Variants in KIF1B observed in about 807,000 individuals in gnomAD.
KIF1B encodes kinesin-like protein KIF1B.
KIF1B carries 76 observed loss-of-function variants against 241.9 expected under a neutral mutation model. The observed-to-expected ratio is 0.31, with a 90% CI of 0.26 to 0.38. The LOEUF (loss-of-function observed/expected upper bound fraction) is 0.38. Ranked by LOEUF, KIF1B falls within the 10% of genes least tolerant of loss-of-function variation. KIF1B has a pLI of 1.00. For missense variants in KIF1B, 1,622 were observed against 2,271.4 expected (o/e 0.71, Z 5.81); for synonymous variants, 750 against 796.7 (o/e 0.94, Z 0.99).
intron 36 of KIF1B, 74 bp downstream of exon 36, chr1:10,347,901 C>T: frequency 1.6e-6 from 2 of 1,279,906 alleles, no homozygotes; most frequent in South Asian, 2.4e-5. Flanking sequence ...GGAATTCTTT[C>T]TTATTCTCTG....
At chr1:10,235,352 AAG>A (rs1162943370) in intron 2 of KIF1B, among the ~76,000 whole-genome samples, 1 of 144,560 alleles carries the variant, frequency 6.9e-6, no homozygotes, top group African/African-American at 2.9e-5. Context: ...TCCTGGGCTC[AAG>A]TGATCCTCCC....
chr1:10,276,725 A>G (rs990482247), intron 12 of KIF1B, among the ~76,000 whole-genome samples: 2 of 152,124 alleles, frequency 1.3e-5, no homozygotes, highest in African/African-American at 4.8e-5. Context: ...TAATAGTGAC[A>G]TTTTCTTATT....
Position 10,365,251 on chromosome 1 carries a change from C to T in KIF1B, c.4512+6C>T, listed in dbSNP as rs780496012. ...AGCTGGAGCTCCTACATGAGGTATC[C>T]AGGGGCAGGGTTGTTCAGATGCAAG... On this transcript the variant is annotated splice_donor_region_variant and intron_variant, in intron 42 of 48. Coordinates refer to ENST00000676179, the MANE Select transcript of KIF1B (RefSeq NM_001365951.3). The surrounding 1 kb of genome is among the most constrained non-coding windows in gnomAD (Gnocchi z 4.0). 2 of 1,613,898 alleles carry T rather than the reference C, an allele frequency of 1.2e-6. No individual in the cohort carries two copies. Among genetic ancestry groups the T allele is most frequent in the African/African-American group, 1.3e-5 (1 of 74,994 alleles).
chr1:10,371,393 C>G lies in KIF1B; in HGVS notation c.4946+131C>G, dbSNP rs924017855. ...GGCAGCATTTGGAAATGTGTGGGAGCCTTTTTGGCTATCACAGTGACTGGA... is the reference window on the plus strand; with the variant it reads ...GGCAGCATTTGGAAATGTGTGGGAGGCTTTTTGGCTATCACAGTGACTGGA... On this transcript the variant is annotated intron_variant, in intron 45 of 48. Transcript: ENST00000676179. The G allele has an allele frequency of 1.5e-5, 16 of 1,081,992 alleles. No individual in the cohort carries two copies. The African/African-American group carries it at 2.0e-4, about 14-fold the overall frequency. The allele number at this position is 1,081,992 out of a possible 1,614,324, so 67.0% of individuals were successfully genotyped here.
At chr1:10,278,913 G>C in intron 13 of KIF1B, 184 bp from the exon 14 acceptor site, 1 of 501,290 alleles carries the variant, frequency 2.0e-6, no homozygotes, top group African/African-American at 1.9e-5. Flanking sequence ...GCCTCTTCTA[G>C]TTTAATTCTT....
Position 10,348,658 on chromosome 1 carries a change from C to T in KIF1B, c.3874C>T (p.Arg1292Ter). The T allele has an allele frequency of 1.9e-6, 3 of 1,613,858 alleles. No homozygotes were observed. The highest frequency in any genetic ancestry group is 2.5e-6 in the Non-Finnish European group (3 of 1,179,780). ...GTFLLHQGIQ[R>*]RITVTIIHEK... Reference sequence around the variant, plus strand: ...CTGCTTCATTACCTAGGGCATCCAGCGAAGGATCACAGTGACCATTATCCA... The same window carrying T: ...CTGCTTCATTACCTAGGGCATCCAGTGAAGGATCACAGTGACCATTATCCA... Residue 1292 changes from arginine (R) to a stop codon, truncating the protein, a stop_gained, in exon 37 of 49, where the codon CGA becomes TGA. Coordinates refer to ENST00000676179, the MANE Select transcript of KIF1B (RefSeq NM_001365951.3). LOFTEE classifies it high-confidence loss of function.
At chr1:10,310,197 T>A (rs1651007827) in intron 22 of KIF1B, among the ~76,000 whole-genome samples, 2 of 151,836 alleles carry the variant, frequency 1.3e-5, no homozygotes, top group Non-Finnish European at 2.9e-5. Context: ...GTTCTCAAAC[T>A]TTAATGTCAG....
chr1:10,294,944 G>C, intron 17 of KIF1B, 142 bp from the exon 18 acceptor site: 1 of 700,954 alleles, frequency 1.4e-6, no homozygotes, highest in South Asian at 1.5e-5. Flanking sequence ...CTTTATTATG[G>C]AACCGCAACT....
intron 23 of KIF1B, 137 bp downstream of exon 23, chr1:10,320,273 A>G (rs1651468469): frequency 1.5e-6 from 1 of 647,538 alleles, no homozygotes; most frequent in East Asian, 3.0e-5. Context: ...GAGCCAGTTT[A>G]CAGATGATTG....
chr1:10,295,863 TC>T, intron 19 of KIF1B, 97 bp downstream of exon 19: 3 of 1,021,084 alleles, frequency 2.9e-6, no homozygotes, highest in Non-Finnish European at 4.5e-6. Context: ...AGTAGTACTT[TC>T]TTATACAATC....
At chr1:10,375,218 GTAGTAACTTTCT>G in intron 47 of KIF1B, 25 bp from the exon 48 acceptor site, 1 of 1,567,548 alleles carries the variant, frequency 6.4e-7, no homozygotes, top group Non-Finnish European at 8.8e-7. Context: ...TGCTGTCTCT[GTAGTAACTTTCT>G]TGTCTACCTG....
chr1:10,363,509 T>C lies in KIF1B; in HGVS notation c.4366+165T>C, dbSNP rs139539731. Among the ~76,000 whole-genome samples the C allele has an allele frequency of 2.0e-5, 3 of 152,236 alleles. No homozygotes were observed. In the East Asian group the frequency reaches 5.8e-4, roughly 29 times the overall value. On this transcript the variant is annotated intron_variant, in intron 41 of 48. Coordinates refer to ENST00000676179, the MANE Select transcript of KIF1B (RefSeq NM_001365951.3). The stretch of plus-strand genomic sequence containing the variant: ...GAGTTCAAGAGCAGCCTGACCAACA[T>C]GGTGAAGCCCCCCTTTCTACCAAAA...
At chr1:10,234,936 AG>A (rs1478489859) in intron 2 of KIF1B, among the ~76,000 whole-genome samples, 1 of 151,630 alleles carries the variant, frequency 6.6e-6, no homozygotes, top group Non-Finnish European at 1.5e-5. Context: ...CCCAGGCTGA[AG>A]TGCAGTGGCT....
intron 15 of KIF1B, among the ~76,000 whole-genome samples, chr1:10,283,314 C>A (rs1649524768): frequency 6.6e-6 from 1 of 151,886 alleles, no homozygotes; most frequent in Non-Finnish European, 1.5e-5. Context: ...TCACAGAAAG[C>A]CTTGATGCCC....
chr1:10,282,543 A>T lies in KIF1B; in HGVS notation c.1434+10A>T. 1 of 1,603,338 alleles carries T rather than the reference A, an allele frequency of 6.2e-7. No individual in the cohort carries two copies. The highest frequency in any genetic ancestry group is 8.5e-7 in the Non-Finnish European group (1 of 1,170,230). ...TATTGAACGTTTAAAGGTAAGTAATAGTTCAGACTGAATACAAGGTATTCT... is the reference window on the plus strand; with the variant it reads ...TATTGAACGTTTAAAGGTAAGTAATTGTTCAGACTGAATACAAGGTATTCT... On this transcript the variant is annotated intron_variant, in intron 15 of 48. Transcript: ENST00000676179.
Position 10,271,553 on chromosome 1 carries a change from A to C in KIF1B, c.772A>C (p.Thr258Pro). 6.2e-7 allele frequency: 1 copy of C among 1,613,884 alleles called. No homozygotes were observed. Among genetic ancestry groups the C allele is most frequent in the Non-Finnish European group, 8.5e-7 (1 of 1,179,754 alleles). Reference protein sequence around the residue: ...DLAGSERADSTGAKGTRLKEG... With the variant: ...DLAGSERADSPGAKGTRLKEG... ...AGCAGGAAGTGAACGAGCTGATTCA[A>C]CTGGTGCCAAAGGGACTCGATTAAA... is the stretch of plus-strand genomic sequence containing the variant. The change falls in exon 8 of 49, where the codon ACT becomes CCT. Residue 258 changes from threonine to proline, a missense_variant. By Grantham distance (38) the Thr-to-Pro change is conservative. This residue lies in a region of KIF1B where 201 missense variants were observed against 301.2 expected (regional missense o/e 0.67). Transcript: ENST00000676179.
At chr1:10,295,887 A>T (rs1359877048) in intron 19 of KIF1B, 121 bp downstream of exon 19, 1 of 883,308 alleles carries the variant, frequency 1.1e-6, no homozygotes, top group Non-Finnish European at 1.8e-6. Context: ...ATTCTGAAAA[A>T]TGGAGAGACC....
intron 29 of KIF1B, 131 bp downstream of exon 29, chr1:10,336,873 G>T: frequency 9.2e-7 from 1 of 1,081,296 alleles, no homozygotes. Context: ...TAGAATATGG[G>T]ACATGTCTAA....
At chr1:10,224,220 G>T (rs1400817243) in intron 1 of KIF1B, among the ~76,000 whole-genome samples, 2 of 152,030 alleles carry the variant, frequency 1.3e-5, no homozygotes, top group African/African-American at 4.8e-5. Context: ...GGGTTTAAGC[G>T]GTTCTCCTGC....
Sources: gnomAD v4.1 joint callset for allele counts (sites outside exome capture counted in the v4.1 genomes callset) on GRCh38, gnomAD v4.1.1 for gene constraint, gnomAD v4.1.1 regional missense constraint, Gnocchi (gnomAD v3.1) non-coding constraint, MANE v1.5 for transcripts, NCBI Gene and HGNC (gene_info 2026-07-23, HGNC 2026-07-21) for gene names.